Variants in AKNAD1 observed in about 807,000 individuals in gnomAD.
The protein encoded by AKNAD1 is protein AKNAD1.
Under a neutral mutation model 90.8 loss-of-function variants are expected in AKNAD1, and 67 were observed. The observed-to-expected ratio is 0.74, with a 90% CI of 0.61 to 0.90. The LOEUF is 0.90. Among genes scored for constraint, AKNAD1 ranks in the 40% least tolerant of loss-of-function variants. AKNAD1 has a pLI of 0.00. For missense variants in AKNAD1, 957 were observed against 975.4 expected, an observed-to-expected ratio of 0.98 and a Z score of 0.25; for synonymous variants, 327 against 341.4, an observed-to-expected ratio of 0.96 and a Z score of 0.46.
chr1:108,820,454 C>T, intron 14 of AKNAD1, 91 bp downstream of exon 14: 1 of 786,308 alleles, frequency 1.3e-6, no homozygotes, highest in Non-Finnish European at 2.1e-6. Context: ...TCTAGGTTAT[C>T]TTGGGGTAGG....
Position 108,820,619 on chromosome 1 carries a change from T to TA in AKNAD1, c.2174dup (p.Leu725PhefsTer17), listed in dbSNP as rs779266259. ...TCTGAGAACAGATCCGTTTGGGTTT[T>TA]AAAAAAGCTGAAAAATGTTAGCTAT... On this transcript the variant is annotated frameshift_variant, in exon 14 of 16. Coordinates refer to ENST00000370001, the MANE Select transcript of AKNAD1 (RefSeq NM_152763.5). LOFTEE classifies it high-confidence loss of function. 5 of 1,605,100 alleles carry TA rather than the reference T, an allele frequency of 3.1e-6. No individual in the cohort carries two copies. In the African/African-American group the frequency reaches 4.0e-5, roughly 13 times the overall value.
Position 108,852,061 on chromosome 1 carries a change from C to G in AKNAD1, c.604G>C (p.Ala202Pro). 1 of 1,614,170 alleles carries G rather than the reference C, an allele frequency of 6.2e-7. No homozygotes were observed. Among genetic ancestry groups the G allele is most frequent in the East Asian group, 2.2e-5 (1 of 44,884 alleles). The part of the protein sequence containing the change: ...ENTSDLEGPV[A>P]AGDSSHQENV... ...TCTTGATGGCTGCTATCTCCAGCAG[C>G]CACTGGCCCTTCTAAATCAGAGGTA... Residue 202 changes from alanine (A) to proline (P), a missense_variant, in exon 2 of 16, where the codon GCT (alanine) becomes CCT (proline). Physicochemically the swap from Ala to Pro is conservative, Grantham distance 27. Transcript: ENST00000370001.
At chr1:108,833,444 G>A (rs949776832) in intron 9 of AKNAD1, among the ~76,000 whole-genome samples, 2 of 152,064 alleles carry the variant, frequency 1.3e-5, no homozygotes, top group Non-Finnish European at 2.9e-5. Context: ...TTAGCTGCAC[G>A]TGGTGGCACA....
intron 6 of AKNAD1, among the ~76,000 whole-genome samples, chr1:108,839,253 A>G (rs1664464992): frequency 6.6e-6 from 1 of 152,152 alleles, no homozygotes; most frequent in South Asian, 2.1e-4. Flanking sequence ...TGGAAGGCCG[A>G]GGTGGGTGGA....
chr1:108,823,135 A>G lies in AKNAD1; in HGVS notation c.2167+235T>C, dbSNP rs1405293655. On this transcript the variant is annotated intron_variant, in intron 13 of 15. Transcript: ENST00000370001. ...AACTTGCACTGGTGTAGCCCTTAAT[A>G]ACTTTCAAAGTCCTTGGTCACTGCG... 4.2e-6 allele frequency: 3 copies of G among 711,086 alleles called. No individual in the cohort carries two copies. In the East Asian group the frequency reaches 8.1e-5, roughly 19 times the overall value. The allele number at this position is 711,086 out of a possible 1,614,324, so 44.0% of individuals were successfully genotyped here.
At chr1:108,837,474 CCA>C in intron 7 of AKNAD1, 74 bp downstream of exon 7, 1 of 1,349,452 alleles carries the variant, frequency 7.4e-7, no homozygotes, top group Non-Finnish European at 1.0e-6. Context: ...TTCAGTGAAT[CCA>C]TGAATTAGGA....
At chr1:108,818,817 G>T (rs1663714653) in intron 14 of AKNAD1, among the ~76,000 whole-genome samples, 1 of 152,010 alleles carries the variant, frequency 6.6e-6, no homozygotes, top group South Asian at 2.1e-4. Flanking sequence ...ACAAAAATTA[G>T]CTGGGCATGG....
Position 108,852,545 on chromosome 1 carries a change from G to T in AKNAD1, c.120C>A (p.Gly40=), listed in dbSNP as rs369040439. The change falls in exon 2 of 16, where the codon GGC becomes GGA. Residue 40 remains glycine, a synonymous_variant. Transcript: ENST00000370001. ...NDYSFTSKKD[G]LEVLNQIIFI... is the part of the protein sequence containing the mutation. Reference sequence around the variant, plus strand: ...AAATAATTTGATTTAAGACTTCAAGGCCATCCTTTTTTGAGGTAAAACTGT... The same window carrying T: ...AAATAATTTGATTTAAGACTTCAAGTCCATCCTTTTTTGAGGTAAAACTGT... The T allele has an allele frequency of 6.9e-5, 112 of 1,613,940 alleles. 1 individual carries two copies. In the South Asian group the frequency reaches 9.7e-4, roughly 14 times the overall value.
intron 14 of AKNAD1, among the ~76,000 whole-genome samples, chr1:108,817,666 T>C (rs935555188): frequency 2.0e-5 from 3 of 151,508 alleles, no homozygotes; most frequent in Non-Finnish European, 2.9e-5. Flanking sequence ...CACGCCCGGC[T>C]AATTTTTTGT....
In AKNAD1 at chr1:108,816,147, A is replaced by T; in HGVS notation, c.*24T>A. ...GTTTTCTTTGCATTTTTTTCTTTTG[A>T]ATCCTTGGTAGCCTAGCGTTGAACT... is the stretch of plus-strand genomic sequence containing the variant. On this transcript the variant is annotated 3_prime_UTR_variant, in exon 16 of 16. Transcript: ENST00000370001. 1 of 1,547,162 alleles carries T rather than the reference A, an allele frequency of 6.5e-7. No homozygotes were observed.
intron 13 of AKNAD1, chr1:108,823,123 G>A (rs754639454): frequency 2.0e-5 from 14 of 705,258 alleles, no homozygotes; most frequent in Middle Eastern, 3.4e-4. Context: ...TTGCACTGGT[G>A]TAGCCCTTAA....
chr1:108,816,233 T>A lies in AKNAD1; in HGVS notation c.2449A>T (p.Ile817Phe). 1.9e-6 allele frequency: 3 copies of A among 1,613,950 alleles called. No individual in the cohort carries two copies. Among genetic ancestry groups the A allele is most frequent in the Non-Finnish European group, 2.5e-6 (3 of 1,179,942 alleles). The part of the protein sequence containing the change: ...TILKETTDQM[I>F]KTIAEDLAKA... ...GCAAGGTCTTCTGCAATCGTTTTAATCATTTGATCTGTAGTTTCTTTCAAA... is the reference window on the plus strand; with the variant it reads ...GCAAGGTCTTCTGCAATCGTTTTAAACATTTGATCTGTAGTTTCTTTCAAA... Residue 817 changes from isoleucine (I) to phenylalanine (F), a missense_variant, in exon 16 of 16, where the codon ATT (isoleucine) becomes TTT (phenylalanine). Ile to Phe is a conservative substitution (Grantham distance 21, BLOSUM62 0). Coordinates refer to ENST00000370001, the MANE Select transcript of AKNAD1 (RefSeq NM_152763.5).
intron 1 of AKNAD1, among the ~76,000 whole-genome samples, chr1:108,853,986 C>A (rs1439416851): frequency 1.3e-5 from 2 of 151,844 alleles, no homozygotes; most frequent in Non-Finnish European, 2.9e-5. Context: ...GGCTTTCAAA[C>A]ACCTGGAGGC....
chr1:108,826,351 G>C (rs1431773747), intron 11 of AKNAD1, among the ~76,000 whole-genome samples: 1 of 151,686 alleles, frequency 6.6e-6, no homozygotes, highest in Non-Finnish European at 1.5e-5. Flanking sequence ...TGATTTTTAA[G>C]CTCAGAAGCT....
intron 2 of AKNAD1, among the ~76,000 whole-genome samples, 166 bp from the exon 3 acceptor site, chr1:108,849,742 G>A (rs1664797793): frequency 6.6e-6 from 1 of 152,084 alleles, no homozygotes; most frequent in African/African-American, 2.4e-5. Flanking sequence ...TTACTTGCTG[G>A]GCAACCCAAG....
intron 11 of AKNAD1, among the ~76,000 whole-genome samples, chr1:108,824,841 A>T (rs1484097464): frequency 1.3e-5 from 2 of 151,448 alleles, no homozygotes; most frequent in Non-Finnish European, 2.9e-5. Context: ...ACCACACCCA[A>T]CTGACACTCT....
chr1:108,846,122 G>A (rs368708824), intron 5 of AKNAD1, among the ~76,000 whole-genome samples: 30 of 152,266 alleles, frequency 2.0e-4, no homozygotes, highest in East Asian at 1.9e-3. Flanking sequence ...GTAGAGGCAC[G>A]ACATCCGCTC....
chr1:108,843,123 T>A lies in AKNAD1; in HGVS notation c.1379+11A>T, dbSNP rs980762760. On this transcript the variant is annotated intron_variant, in intron 6 of 15. Transcript: ENST00000370001. ...GACCCTTCCACCTTACACAGTTGGT[T>A]TAAATCTGACCTTTCTGGATCAAAG... The A allele has an allele frequency of 3.7e-6, 6 of 1,613,820 alleles. No individual in the cohort carries two copies. Among genetic ancestry groups the A allele is most frequent in the Non-Finnish European group, 5.1e-6 (6 of 1,179,900 alleles).
Position 108,849,054 on chromosome 1 carries a change from T to C in AKNAD1, c.1040A>G (p.Glu347Gly), listed in dbSNP as rs776352433. The C allele has an allele frequency of 2.5e-6, 4 of 1,592,390 alleles. No homozygotes were observed. The African/African-American group carries it at 5.4e-5, about 22-fold the overall frequency. ...CAACTTAGAGAGACTTGCCTCAGAT[T>C]CTATTCCTATACAAGAAAGAACACA... ...HIHQELLTGI[E>G]SEASLSKLSP... The change falls in exon 4 of 16, where the codon GAA becomes GGA. Residue 347 changes from glutamate to glycine, a missense_variant. Physicochemically the swap from Glu to Gly is moderately conservative, Grantham distance 98. Transcript: ENST00000370001.
Sources: allele counts gnomAD v4.1 joint callset (sites outside exome capture counted in the v4.1 genomes callset), GRCh38; gene constraint gnomAD v4.1.1; transcripts MANE v1.5; gene names NCBI Gene and HGNC (gene_info 2026-07-23, HGNC 2026-07-21).